ZNF10: variants seen among roughly 807,000 people sequenced by gnomAD.
The protein encoded by ZNF10 is zinc finger protein 10, also known as zinc finger protein 10 (KOX 1).
In ZNF10, 8 loss-of-function variants were observed where a neutral mutation model predicts 12.2. The ratio of observed to expected loss-of-function variants is 0.66; its 90% confidence interval spans 0.39 to 1.18. The LOEUF (loss-of-function observed/expected upper bound fraction) is 1.18. Ranked by LOEUF, ZNF10 falls within the 50% of genes most tolerant of loss-of-function variation. The pLI, the probability that ZNF10 is intolerant of heterozygous loss-of-function variation, is 0.01. For synonymous variants in ZNF10, 229 were observed against 228.2 expected, an observed-to-expected ratio of 1.00 and a Z score of -0.03; for missense variants, 603 against 678.9, an observed-to-expected ratio of 0.89 and a Z score of 1.24.
chr12:133,151,686 A>G (rs1393760647), intron 3 of ZNF10, 123 bp from the exon 4 acceptor site: 3 of 585,392 alleles, frequency 5.1e-6, no homozygotes, highest in Non-Finnish European at 9.0e-6. Flanking sequence ...GCCTCTGTCA[A>G]CTTTAGAGTC....
chr12:133,136,310 C>G (rs539773351), intron 1 of ZNF10, among the ~76,000 whole-genome samples: 17 of 152,312 alleles, frequency 1.1e-4, no homozygotes, highest in Non-Finnish European at 2.2e-4. Context: ...CACTTCCAAA[C>G]TTTTCATTCC....
chr12:133,155,569 C>T lies in ZNF10; in HGVS notation c.323C>T (p.Ser108Phe), dbSNP rs548527063. 312 of 1,611,784 alleles carry T rather than the reference C, an allele frequency of 1.9e-4. 4 individuals carry two copies. In the South Asian group the frequency reaches 3.2e-3, roughly 17 times the overall value. Residue 108 changes from serine (S) to phenylalanine (F), a missense_variant, in exon 5 of 5, where the codon TCC (serine) becomes TTC (phenylalanine). By Grantham distance (155) the Ser-to-Phe change is radical. Transcript: ENST00000248211. ...SSRSIFKDKQ[S>F]CDIKMEGMAR... ...AGGAGCATTTTTAAAGATAAGCAAT[C>T]CTGTGACATTAAAATGGAAGGAATG...
rs139068516 is a variant in ZNF10, at chr12:133,134,740, A to C, written c.-60+3986A>C. On this transcript the variant is annotated intron_variant, in intron 1 of 4. Coordinates refer to ENST00000248211, the MANE Select transcript of ZNF10 (RefSeq NM_015394.5). ...TCAGAAGAAAAATGGAGTGATTATA[A>C]ATATTTTTTGTGACCACTCTGGTAG... 6.7e-3 allele frequency among the ~76,000 whole-genome samples: 1,019 copies of C among 152,306 alleles called. 12 individuals are homozygous for C. The highest frequency in any genetic ancestry group is 0.023 in the African/African-American group (974 of 41,548).
At chr12:133,148,844 C>G (rs1955991480) in intron 2 of ZNF10, among the ~76,000 whole-genome samples, 1 of 150,338 alleles carries the variant, frequency 6.7e-6, no homozygotes, top group African/African-American at 2.5e-5. Flanking sequence ...CCTCTGCCTC[C>G]TGTGTTCAAG....
chr12:133,133,044 G>A (rs548618816), intron 1 of ZNF10, among the ~76,000 whole-genome samples: 107 of 152,182 alleles, frequency 7.0e-4, no homozygotes, highest in South Asian at 3.1e-3. Flanking sequence ...TTATTAATTA[G>A]AATTCTATAT....
At chr12:133,137,793 A>G (rs1955921057) in intron 1 of ZNF10, among the ~76,000 whole-genome samples, 1 of 152,204 alleles carries the variant, frequency 6.6e-6, no homozygotes, top group Non-Finnish European at 1.5e-5. Context: ...CAGAAGTTCC[A>G]AATCTATACC....
At chr12:133,153,846 AG>A (rs1351760654) in intron 4 of ZNF10, among the ~76,000 whole-genome samples, 4 of 152,048 alleles carry the variant, frequency 2.6e-5, no homozygotes, top group Non-Finnish European at 5.9e-5. Context: ...CTTCTAGGAG[AG>A]GGTCTTTCCT....
chr12:133,131,795 C>A (rs1955879076), intron 1 of ZNF10, among the ~76,000 whole-genome samples: 1 of 152,148 alleles, frequency 6.6e-6, no homozygotes, highest in South Asian at 2.1e-4. Context: ...TTAGTATATG[C>A]TAGTCACAAG....
At chr12:133,142,043 G>GA (rs1156946506) in intron 1 of ZNF10, among the ~76,000 whole-genome samples, 4 of 151,876 alleles carry the variant, frequency 2.6e-5, no homozygotes, top group African/African-American at 4.8e-5. Flanking sequence ...AGTACTGAAA[G>GA]AAAAAAATAA....
intron 4 of ZNF10, 150 bp from the exon 5 acceptor site, chr12:133,155,353 C>T (rs1418388254): frequency 1.1e-6 from 1 of 878,780 alleles, no homozygotes. Context: ...GTTTACCGCT[C>T]CATTCTTCCT....
At chr12:133,151,974 A>T (rs1956011175) in intron 4 of ZNF10, 70 bp downstream of exon 4, 1 of 1,278,952 alleles carries the variant, frequency 7.8e-7, no homozygotes, top group Admixed American at 1.8e-5. Flanking sequence ...ACTTCTAGAG[A>T]TAGTGGTCAC....
chr12:133,152,482 T>C (rs530868675), intron 4 of ZNF10, among the ~76,000 whole-genome samples: 1 of 152,330 alleles, frequency 6.6e-6, no homozygotes, highest in East Asian at 1.9e-4. Context: ...TGGCGCGATC[T>C]AGGCTCACTG....
intron 4 of ZNF10, among the ~76,000 whole-genome samples, chr12:133,154,010 T>A (rs147272125): frequency 8.4e-4 from 128 of 152,310 alleles, no homozygotes; most frequent in African/African-American, 3.0e-3. Flanking sequence ...CCCATCCTAT[T>A]TCTGGTACTA....
At chr12:133,139,643 T>C (rs1302754067) in intron 1 of ZNF10, among the ~76,000 whole-genome samples, 1 of 152,192 alleles carries the variant, frequency 6.6e-6, no homozygotes, top group African/African-American at 2.4e-5. Context: ...TGAAGAATTA[T>C]GAGGCCCTGA....
chr12:133,144,862 C>A (rs551605979), intron 2 of ZNF10: 40 of 468,660 alleles, frequency 8.5e-5, no homozygotes, highest in African/African-American at 7.7e-4. Context: ...AATTCAAAAA[C>A]AGGTATTTAC....
chr12:133,156,717 T>C lies in ZNF10; in HGVS notation c.1471T>C (p.Cys491Arg), dbSNP rs1956044557. The C allele has an allele frequency of 6.2e-7, 1 of 1,613,126 alleles. No individual in the cohort carries two copies. The highest frequency in any genetic ancestry group is 8.5e-7 in the Non-Finnish European group (1 of 1,179,692). Residue 491 changes from cysteine to arginine, a missense_variant, in exon 5 of 5, where the codon TGC becomes CGC. Transcript: ENST00000248211. ...ACACACTGGAGAGAAACCATATGAA[T>C]GCTGTCAGTGTGGGAAAGCCTTCAT... is the stretch of plus-strand genomic sequence containing the variant. ...RIHTGEKPYE[C>R]CQCGKAFIRK...
At chr12:133,132,627 A>G (rs1422580371) in intron 1 of ZNF10, among the ~76,000 whole-genome samples, 1 of 152,204 alleles carries the variant, frequency 6.6e-6, no homozygotes. Context: ...AGCATGTCTC[A>G]TGTCAGCCAG....
chr12:133,142,858 G>T (rs1299054773), intron 1 of ZNF10, among the ~76,000 whole-genome samples: 2 of 152,152 alleles, frequency 1.3e-5, no homozygotes, highest in Non-Finnish European at 2.9e-5. Context: ...ATATCCAAGG[G>T]AATCGAATGT....
Position 133,156,744 on chromosome 12 carries a change from C to T in ZNF10, c.1498C>T (p.Arg500Trp), listed in dbSNP as rs778698427. 46 of 1,607,934 alleles carry T rather than the reference C, an allele frequency of 2.9e-5. 1 individual carries two copies. Among genetic ancestry groups the T allele is most frequent in the South Asian group, 6.7e-5 (6 of 89,924 alleles). The part of the protein sequence containing the change: ...ECCQCGKAFI[R>W]KNDLIKHQRI... ...CTGTCAGTGTGGGAAAGCCTTCATC[C>T]GGAAGAATGACCTCATTAAGCACCA... The change falls in exon 5 of 5, where the codon CGG becomes TGG. Residue 500 changes from arginine to tryptophan, a missense_variant. Arg to Trp is a moderately radical substitution (Grantham distance 101). Around this residue, in one of 3 missense-constraint regions of ZNF10, gnomAD observed 204 missense variants for 262.8 expected, o/e 0.78. Coordinates refer to ENST00000248211, the MANE Select transcript of ZNF10 (RefSeq NM_015394.5).
Sources: allele counts gnomAD v4.1 joint callset (sites outside exome capture counted in the v4.1 genomes callset), GRCh38; gene constraint gnomAD v4.1.1; regional missense constraint gnomAD v4.1.1; transcripts MANE v1.5; gene names NCBI Gene and HGNC (gene_info 2026-07-23, HGNC 2026-07-21).